Variants in NTN1 observed in about 807,000 individuals in gnomAD.
The protein encoded by NTN1 is netrin-1.
NTN1 carries 11 observed loss-of-function variants against 54.2 expected under a neutral mutation model. The ratio of observed to expected loss-of-function variants is 0.20; its 90% CI spans 0.13 to 0.34. The LOEUF is 0.34. NTN1 is among the 10% of genes least tolerant of loss of function. The pLI is 1.00. For missense variants in NTN1, 740 were observed against 893.1 expected (o/e 0.83, Z 2.18); for synonymous variants, 371 against 382.0 (o/e 0.97, Z 0.33).
At chr17:9,025,741 A>AT (rs910346622) in intron 2 of NTN1, among the ~76,000 whole-genome samples, 152 of 152,242 alleles carry the variant, frequency 1.0e-3, no homozygotes, top group African/African-American at 3.2e-3. Context: ...AGCAAGGACA[A>AT]TTTAGGGGTG....
intron 4 of NTN1, among the ~76,000 whole-genome samples, 178 bp downstream of exon 4, chr17:9,180,134 G>A (rs2092414396): frequency 6.6e-6 from 1 of 152,240 alleles, no homozygotes. Context: ...TGCCTCCCAG[G>A]TTTAAGTGAT....
At position 9,024,717 on chromosome 17, in the gene NTN1, G is replaced by T. The variant is rs116525321; in HGVS notation, c.1018+1326G>T. Among the ~76,000 whole-genome samples the T allele has an allele frequency of 7.3e-3, 1,117 of 152,328 alleles. 13 individuals are homozygous for T. Among genetic ancestry groups the T allele is most frequent in the African/African-American group, 0.026 (1,060 of 41,566 alleles). On this transcript the variant is annotated intron_variant, in intron 2 of 6. Coordinates refer to ENST00000173229, the MANE Select transcript of NTN1 (RefSeq NM_004822.3). ...AGGCGTCCTGGTCTGAAGACGCCGG[G>T]CCTCCCGCCTCCTGTTGCAAGGGAG...
intron 6 of NTN1, among the ~76,000 whole-genome samples, chr17:9,231,294 C>CCGG (rs1555579602): frequency 2.9e-5 from 3 of 102,412 alleles, no homozygotes; most frequent in Non-Finnish European, 4.8e-5. Context: ...CATGGGGTAC[C>CCGG]CGGGGGGGGA....
intron 2 of NTN1, among the ~76,000 whole-genome samples, chr17:9,145,911 C>T: frequency 9.9e-6 from 1 of 101,002 alleles, no homozygotes; most frequent in Non-Finnish European, 1.8e-5. Flanking sequence ...AGCAAGACTC[C>T]ATCTCAAAAA....
rs1463892311 is a variant in NTN1 at position 9,220,889 on chromosome 17, C to A, written c.1412-279C>A. On this transcript the variant is annotated intron_variant, in intron 5 of 6. Coordinates refer to ENST00000173229, the MANE Select transcript of NTN1 (RefSeq NM_004822.3). ...GCTCAGAAGCCCTGGGTGGCAGGAG[C>A]CCCCCGAGACTCTCACGGAGGCCAG... 2.0e-5 allele frequency among the ~76,000 whole-genome samples: 3 copies of A among 150,454 alleles called. No individual in the cohort carries two copies. In the East Asian group the frequency reaches 5.9e-4, roughly 30 times the overall value.
At chr17:9,206,964 G>A (rs1487676137) in intron 5 of NTN1, among the ~76,000 whole-genome samples, 1 of 151,970 alleles carries the variant, frequency 6.6e-6, no homozygotes. Flanking sequence ...TTTACTTTTC[G>A]GCTGTTTACA....
At chr17:9,106,423 C>T (rs189503304) in intron 2 of NTN1, among the ~76,000 whole-genome samples, 1 of 152,282 alleles carries the variant, frequency 6.6e-6, no homozygotes, top group East Asian at 1.9e-4. Flanking sequence ...GTTCTGACCA[C>T]TGATTTGCCA....
intron 2 of NTN1, among the ~76,000 whole-genome samples, chr17:9,114,489 C>T (rs1350295611): frequency 6.6e-6 from 1 of 151,316 alleles, no homozygotes; most frequent in Non-Finnish European, 1.5e-5. Flanking sequence ...CACTGTGGCT[C>T]ACACCTGTAA....
At chr17:9,156,430 G>T (rs183729422) in intron 2 of NTN1, among the ~76,000 whole-genome samples, 5 of 152,278 alleles carry the variant, frequency 3.3e-5, no homozygotes, top group Admixed American at 3.3e-4. Context: ...CCAGTGAGAA[G>T]CCCCTGGGCC....
intron 2 of NTN1, among the ~76,000 whole-genome samples, chr17:9,079,039 C>T (rs1029901037): frequency 1.3e-5 from 2 of 152,252 alleles, no homozygotes; most frequent in Non-Finnish European, 2.9e-5. Context: ...TCTCCCTCTA[C>T]TCCACATCCA....
intron 2 of NTN1, among the ~76,000 whole-genome samples, chr17:9,042,027 G>A (rs541167603): frequency 1.3e-5 from 2 of 149,150 alleles, no homozygotes; most frequent in East Asian, 2.0e-4. Flanking sequence ...AAAAAAAAAA[G>A]ACAACTAACT....
At chr17:9,228,552 A>AG in intron 6 of NTN1, among the ~76,000 whole-genome samples, 1 of 152,116 alleles carries the variant, frequency 6.6e-6, no homozygotes, top group Non-Finnish European at 1.5e-5. Flanking sequence ...ACTCAGAAAG[A>AG]GGGGGAGACA....
rs563036812 is a variant in NTN1, at chr17:9,159,901, T to C, written c.1019-2912T>C. Among the ~76,000 whole-genome samples the C allele has an allele frequency of 3.5e-4, 53 of 152,268 alleles. 1 individual carries two copies. The highest frequency in any genetic ancestry group is 3.4e-3 in the Middle Eastern group (1 of 294). On this transcript the variant is annotated intron_variant, in intron 2 of 6. Transcript: ENST00000173229. ...AGAGAAATTTGCACTACAACAGTCA[T>C]TGGAGCAGAGCACAAATATATATGT... is the stretch of plus-strand genomic sequence containing the variant.
intron 2 of NTN1, among the ~76,000 whole-genome samples, chr17:9,122,305 A>G (rs2092234086): frequency 6.6e-6 from 1 of 152,208 alleles, no homozygotes; most frequent in Non-Finnish European, 1.5e-5. Context: ...AAGTGCTGGG[A>G]TTACAGGCGT....
intron 2 of NTN1, among the ~76,000 whole-genome samples, chr17:9,145,775 G>A (rs996409526): frequency 6.6e-6 from 1 of 152,008 alleles, no homozygotes; most frequent in Non-Finnish European, 1.5e-5. Context: ...AAAATTAGCC[G>A]GGCGTGGTGG....
chr17:9,090,166 T>G (rs1034777470), intron 2 of NTN1, among the ~76,000 whole-genome samples: 5 of 146,146 alleles, frequency 3.4e-5, no homozygotes, highest in African/African-American at 1.3e-4. Context: ...CAAACTCATC[T>G]TTTTTTTTTT....
chr17:9,197,212 C>T (rs1376084718), intron 5 of NTN1, among the ~76,000 whole-genome samples: 1 of 152,060 alleles, frequency 6.6e-6, no homozygotes, highest in Non-Finnish European at 1.5e-5. Flanking sequence ...CAGAGGAGGA[C>T]AGTGGCTTGT....
chr17:9,054,093 C>A (rs1165886101), intron 2 of NTN1, among the ~76,000 whole-genome samples: 1 of 152,096 alleles, frequency 6.6e-6, no homozygotes, highest in South Asian at 2.1e-4. Context: ...GCGAGGCTGC[C>A]ATGAAAAAGG....
At chr17:9,011,126 G>A in the NTN1 span, among the ~76,000 whole-genome samples, 2 of 152,182 alleles carry the variant, frequency 1.3e-5, no homozygotes, top group Admixed American at 1.3e-4. Flanking sequence ...GATCTGACAG[G>A]AGGCAGAGCT....
Sources: allele counts gnomAD v4.1 joint callset (sites outside exome capture counted in the v4.1 genomes callset), GRCh38; gene constraint gnomAD v4.1.1; transcripts MANE v1.5; gene names NCBI Gene and HGNC (gene_info 2026-07-23, HGNC 2026-07-21).